The following ARHGAP12 variants were observed in gnomAD, a reference collection of about 807,000 sequenced individuals.
ARHGAP12 encodes the protein rho GTPase-activating protein 12.
A neutral mutation model predicts 108.6 loss-of-function variants in ARHGAP12; 64 were observed. The ratio of observed to expected loss-of-function variants is 0.59; its 90% CI spans 0.48 to 0.73. The LOEUF is 0.73. ARHGAP12 is among the 30% of genes least tolerant of loss of function. The pLI, the probability that ARHGAP12 is intolerant of heterozygous loss-of-function variation, is 0.00. For missense variants in ARHGAP12, 940 were observed against 1,005.9 expected, an observed-to-expected ratio of 0.93 and a Z score of 0.89; for synonymous variants, 312 against 337.2, an observed-to-expected ratio of 0.93 and a Z score of 0.82.
chr10:31,840,618 G>GT (rs1290098791), intron 7 of ARHGAP12, among the ~76,000 whole-genome samples: 1 of 151,948 alleles, frequency 6.6e-6, no homozygotes, highest in African/African-American at 2.4e-5. Flanking sequence ...TCATCTCCAC[G>GT]TAGGTATCAT....
Position 31,839,642 on chromosome 10 carries a change from C to T in ARHGAP12, c.1366G>A (p.Asp456Asn). The T allele has an allele frequency of 6.2e-7, 1 of 1,604,036 alleles. No homozygotes were observed. Among genetic ancestry groups the T allele is most frequent in the Non-Finnish European group, 8.5e-7 (1 of 1,172,912 alleles). The change falls in exon 8 of 20, where the codon GAT becomes AAT. Residue 456 changes from aspartate (D) to asparagine (N), a missense_variant. Transcript: ENST00000344936. Reference protein sequence around the residue: ...ESSPSSPKHQDTASSPKDQEK... With the variant: ...ESSPSSPKHQNTASSPKDQEK... ...TATGCTTCTATCATACTAACTGTATCTTGGTGCTTTGGTGAGGAGGGAGAA... is the reference window on the plus strand; with the variant it reads ...TATGCTTCTATCATACTAACTGTATTTTGGTGCTTTGGTGAGGAGGGAGAA...
chr10:31,876,531 A>G (rs964011093), intron 3 of ARHGAP12, among the ~76,000 whole-genome samples: 20 of 144,074 alleles, frequency 1.4e-4, no homozygotes, highest in Non-Finnish European at 2.4e-4. Context: ...AACAAAAACA[A>G]AAACAAAAAA....
chr10:31,839,077 C>T (rs987232351), intron 9 of ARHGAP12, among the ~76,000 whole-genome samples: 22 of 152,020 alleles, frequency 1.4e-4, no homozygotes, highest in Non-Finnish European at 2.8e-4. Context: ...GCATGATCAG[C>T]AACAGAAAAG....
At chr10:31,860,056 G>A (rs1185248075) in intron 4 of ARHGAP12, among the ~76,000 whole-genome samples, 2 of 152,178 alleles carry the variant, frequency 1.3e-5, no homozygotes, top group African/African-American at 4.8e-5. Context: ...ACAGGCATGA[G>A]CCACTGCGTC....
chr10:31,894,919 G>A (rs1222064261), intron 3 of ARHGAP12, among the ~76,000 whole-genome samples: 1 of 152,114 alleles, frequency 6.6e-6, no homozygotes, highest in Non-Finnish European at 1.5e-5. Flanking sequence ...CAATGGAACA[G>A]AACAGAGGCC....
intron 13 of ARHGAP12, among the ~76,000 whole-genome samples, chr10:31,815,843 T>A (rs1835182925): frequency 6.6e-6 from 1 of 152,186 alleles, no homozygotes; most frequent in South Asian, 2.1e-4. Flanking sequence ...GTATGTATTT[T>A]AAAATTTCTT....
At chr10:31,817,161 T>C (rs1015582710) in intron 13 of ARHGAP12, among the ~76,000 whole-genome samples, 1 of 151,946 alleles carries the variant, frequency 6.6e-6, no homozygotes, top group African/African-American at 2.4e-5. Flanking sequence ...CAGTGAGCTA[T>C]GACTGTGCCA....
intron 4 of ARHGAP12, among the ~76,000 whole-genome samples, chr10:31,854,985 AAGGAGGAGG>A (rs542231961): frequency 3.0e-5 from 4 of 134,574 alleles, no homozygotes; most frequent in Non-Finnish European, 6.4e-5. Flanking sequence ...AAAGAAGAAC[AAGGAGGAGG>A]AGGAGGAGGA....
rs201754040 is a variant in ARHGAP12 at position 31,816,168 on chromosome 10, C to CGTGTGTGTGTGTGTGTGTGT, written c.1731+1600_1731+1619dup. The stretch of plus-strand genomic sequence containing the variant: ...TGTCTCAAAAAAAGAAAGAAAGAAA[C>CGTGTGTGTGTGTGTGTGTGT]GTGTGTGTGTGTGTGTGTGTGTGTG... On this transcript the variant is annotated intron_variant, in intron 13 of 19. Coordinates refer to ENST00000344936, the MANE Select transcript of ARHGAP12 (RefSeq NM_018287.7). 2.1e-3 allele frequency among the ~76,000 whole-genome samples: 290 copies of CGTGTGTGTGTGTGTGTGTGT among 136,422 alleles called. 1 individual carries two copies. Among genetic ancestry groups the CGTGTGTGTGTGTGTGTGTGT allele is most frequent in the Admixed American group, 3.2e-3 (43 of 13,566 alleles). The allele number at this position is 136,422 out of a possible 152,430, so 89.5% of individuals were successfully genotyped here. A position where few individuals can be genotyped will look rare whatever the true frequency, so the allele number is the denominator to read the frequency against.
chr10:31,899,693 A>C (rs11498273), intron 3 of ARHGAP12, among the ~76,000 whole-genome samples: 2,543 of 152,274 alleles, frequency 0.017, 81 homozygotes, highest in African/African-American at 0.058. Flanking sequence ...AATGAACCTA[A>C]AGACCTTACA....
At chr10:31,894,730 C>A (rs1256457359) in intron 3 of ARHGAP12, among the ~76,000 whole-genome samples, 1 of 152,154 alleles carries the variant, frequency 6.6e-6, no homozygotes, top group Non-Finnish European at 1.5e-5. Context: ...ACTTTCTTCA[C>A]AGAATTGGAA....
At chr10:31,887,575 TAAG>T (rs1271410081) in intron 3 of ARHGAP12, among the ~76,000 whole-genome samples, 6 of 152,070 alleles carry the variant, frequency 3.9e-5, no homozygotes, top group African/African-American at 1.4e-4. Context: ...TCTTTGGCAT[TAAG>T]GACTTTACAG....
chr10:31,828,557 A>G (rs1426793040), intron 10 of ARHGAP12, among the ~76,000 whole-genome samples: 1 of 152,112 alleles, frequency 6.6e-6, no homozygotes, highest in Non-Finnish European at 1.5e-5. Context: ...TTTTAGTTCA[A>G]TTTTCAAAAT....
chr10:31,858,513 T>C (rs1164347762), intron 4 of ARHGAP12, among the ~76,000 whole-genome samples: 2 of 151,620 alleles, frequency 1.3e-5, no homozygotes, highest in African/African-American at 4.8e-5. Flanking sequence ...AGCCCAGGAG[T>C]TTGAGCGTTG....
At chr10:31,809,741 T>C (rs1200971260) in intron 16 of ARHGAP12, 2 of 153,502 alleles carry the variant, frequency 1.3e-5, no homozygotes, top group Non-Finnish European at 2.9e-5. Flanking sequence ...TATTAAGTGT[T>C]TGTAATAAGT....
intron 7 of ARHGAP12, among the ~76,000 whole-genome samples, chr10:31,840,324 C>T (rs1836212169): frequency 6.7e-6 from 1 of 150,268 alleles, no homozygotes; most frequent in South Asian, 2.1e-4. Context: ...TCTAAGCCTA[C>T]AAGAGTATCA....
Position 31,807,537 on chromosome 10 carries a change from C to CAA in ARHGAP12, c.*119_*120dup. 7.4e-6 allele frequency: 7 copies of CAA among 940,352 alleles called. No individual in the cohort carries two copies. The East Asian group carries it at 1.5e-4, about 20-fold the overall frequency. 58.3% of individuals were successfully genotyped at this position (940,352 alleles called of 1,614,324 possible). On this transcript the variant is annotated 3_prime_UTR_variant, in exon 20 of 20. Transcript: ENST00000344936. ...ACTCTCCCCTTCCCTTCTGATCCCTCAAAAAAAAAGTGCAAAATCAAAGAG... is the reference window on the plus strand; with the variant it reads ...ACTCTCCCCTTCCCTTCTGATCCCTCAAAAAAAAAAAGTGCAAAATCAAAGAG...
intron 1 of ARHGAP12, among the ~76,000 whole-genome samples, chr10:31,914,456 A>C (rs1430433724): frequency 2.0e-5 from 3 of 152,146 alleles, no homozygotes; most frequent in East Asian, 1.9e-4. Flanking sequence ...CAAAAAAAAA[A>C]CAAATAATCC....
intron 4 of ARHGAP12, among the ~76,000 whole-genome samples, chr10:31,857,330 C>CT (rs917762706): frequency 2.0e-5 from 3 of 152,018 alleles, no homozygotes; most frequent in Non-Finnish European, 4.4e-5. Context: ...AAAAAAAATA[C>CT]TTTTTTACAA....
Sources: allele counts gnomAD v4.1 joint callset (sites outside exome capture counted in the v4.1 genomes callset), GRCh38; gene constraint gnomAD v4.1.1; transcripts MANE v1.5; gene names NCBI Gene and HGNC (gene_info 2026-07-23, HGNC 2026-07-21).